The following SPHKAP variants were observed in gnomAD, a reference collection of about 807,000 sequenced individuals.
SPHKAP encodes A-kinase anchor protein SPHKAP.
SPHKAP carries 67 observed loss-of-function variants against 137.5 expected under a neutral mutation model. The ratio of observed to expected loss-of-function variants is 0.49; its 90% CI spans 0.40 to 0.60. The LOEUF is 0.60. Ranked by LOEUF, SPHKAP falls within the 20% of genes least tolerant of loss-of-function variation. The probability of loss-of-function intolerance (pLI) is 0.00; values close to 1 mark genes in which losing one functional copy is unlikely to be tolerated. For missense variants in SPHKAP, 2,097 were observed against 2,069.3 expected, an observed-to-expected ratio of 1.01 and a Z score of -0.26; for synonymous variants, 813 against 785.3, an observed-to-expected ratio of 1.04 and a Z score of -0.59.
intron 1 of SPHKAP, among the ~76,000 whole-genome samples, chr2:228,146,236 G>C (rs539181816): frequency 1.3e-5 from 2 of 152,086 alleles, no homozygotes; most frequent in South Asian, 4.2e-4. Context: ...TTGTTACAAC[G>C]GATGAACACC....
chr2:227,989,018 T>G (rs548367751), intron 11 of SPHKAP, among the ~76,000 whole-genome samples: 1 of 152,110 alleles, frequency 6.6e-6, no homozygotes, highest in African/African-American at 2.4e-5. Flanking sequence ...AAAAATGAAT[T>G]AGGTCTCCTT....
At chr2:228,121,463 C>A (rs549128984) in intron 2 of SPHKAP, among the ~76,000 whole-genome samples, 1 of 152,280 alleles carries the variant, frequency 6.6e-6, no homozygotes, top group African/African-American at 2.4e-5. Context: ...CCACAGTGAG[C>A]CATGATCACG....
At chr2:228,148,250 G>A (rs1699835311) in intron 1 of SPHKAP, among the ~76,000 whole-genome samples, 1 of 152,126 alleles carries the variant, frequency 6.6e-6, no homozygotes, top group African/African-American at 2.4e-5. Context: ...TCATTGAGGG[G>A]TATCCCCCAA....
At chr2:228,047,912 G>C (rs1041612770) in intron 3 of SPHKAP, among the ~76,000 whole-genome samples, 9 of 152,122 alleles carry the variant, frequency 5.9e-5, no homozygotes, top group Admixed American at 6.5e-5. Flanking sequence ...GACCAGCTGG[G>C]GTTTTGAATG....
At chr2:228,139,387 C>G (rs934172322) in intron 1 of SPHKAP, among the ~76,000 whole-genome samples, 19 of 151,984 alleles carry the variant, frequency 1.3e-4, no homozygotes, top group Admixed American at 1.2e-3. Context: ...AAAAGACAAT[C>G]AAATAGTAAA....
At chr2:228,146,675 T>G (rs994428920) in intron 1 of SPHKAP, among the ~76,000 whole-genome samples, 1 of 152,224 alleles carries the variant, frequency 6.6e-6, no homozygotes, top group Non-Finnish European at 1.5e-5. Flanking sequence ...GTTCCTGTAT[T>G]AGTTTGCTAA....
intron 3 of SPHKAP, among the ~76,000 whole-genome samples, chr2:228,063,441 G>A (rs1393348877): frequency 6.6e-6 from 1 of 152,110 alleles, no homozygotes; most frequent in Non-Finnish European, 1.5e-5. Flanking sequence ...TTGATGCTAT[G>A]GTTGGTGTTA....
At chr2:228,050,112 C>G (rs13412863) in intron 3 of SPHKAP, among the ~76,000 whole-genome samples, 58,169 of 151,976 alleles carry the variant, frequency 0.38, 11,592 homozygotes, top group South Asian at 0.52. Flanking sequence ...CTAATTCTCA[C>G]AGACATGCAA....
In SPHKAP at chr2:228,017,858, C is replaced by A. The variant is rs374937865; in HGVS notation, c.2996G>T (p.Arg999Leu). The A allele has an allele frequency of 1.9e-6, 3 of 1,613,880 alleles. No homozygotes were observed. Among genetic ancestry groups the A allele is most frequent in the African/African-American group, 1.3e-5 (1 of 74,898 alleles). Residue 999 changes from arginine to leucine, a missense_variant, in exon 7 of 12, where the codon CGG becomes CTG. By Grantham distance (102) the Arg-to-Leu change is moderately radical. Coordinates refer to ENST00000392056, the MANE Select transcript of SPHKAP (RefSeq NM_001142644.2). ...CGTCTTCCTCTTGATCTCACTGAGC[C>A]GGGGAGGCTTGTGTTTCCTCACAGC... ...GTAVRKHKPP[R>L]LSEIKRKTDE...
intron 3 of SPHKAP, among the ~76,000 whole-genome samples, chr2:228,060,616 T>C (rs375008421): frequency 2.6e-4 from 40 of 152,342 alleles, no homozygotes; most frequent in South Asian, 1.4e-3. Context: ...TAACTATGAC[T>C]TAGTGATAGG....
intron 1 of SPHKAP, among the ~76,000 whole-genome samples, chr2:228,143,328 G>C (rs937080292): frequency 1.3e-5 from 2 of 152,018 alleles, no homozygotes; most frequent in African/African-American, 4.8e-5. Context: ...GATAGCTTGA[G>C]GCCAGGAGTT....
intron 11 of SPHKAP, among the ~76,000 whole-genome samples, chr2:227,990,348 A>G (rs1028480233): frequency 3.9e-5 from 6 of 152,212 alleles, no homozygotes; most frequent in Non-Finnish European, 7.3e-5. Flanking sequence ...AATCTTTTAA[A>G]ACGAGTCTAC....
rs1416199345 is a variant in SPHKAP, at chr2:227,991,319, C to G, written c.4729G>C (p.Val1577Leu). 6.2e-7 allele frequency: 1 copy of G among 1,614,088 alleles called. No homozygotes were observed. Among genetic ancestry groups the G allele is most frequent in the Non-Finnish European group, 8.5e-7 (1 of 1,180,040 alleles). The change falls in exon 10 of 12, where the codon GTA (valine) becomes CTA (leucine). Residue 1577 changes from valine to leucine, a missense_variant. Transcript: ENST00000392056. ...CCTTTAAGAATCTTCTTTTCTTCTACTAATTCACTTTGGGAGAAAACAACA... is the reference window on the plus strand; with the variant it reads ...CCTTTAAGAATCTTCTTTTCTTCTAGTAATTCACTTTGGGAGAAAACAACA... ...MPSSPMINEL[V>L]EEKKILKGQS...
chr2:228,014,525 C>T (rs183752790), intron 7 of SPHKAP, among the ~76,000 whole-genome samples: 231 of 152,270 alleles, frequency 1.5e-3, no homozygotes, highest in South Asian at 1.0e-2. Context: ...TTTGCTTTTA[C>T]GTTTTCATGC....
intron 1 of SPHKAP, among the ~76,000 whole-genome samples, chr2:228,168,809 A>C (rs13413606): frequency 0.13 from 20,493 of 152,176 alleles, 1,389 homozygotes; most frequent in East Asian, 0.2. Flanking sequence ...GAGACAGGCC[A>C]AAAGCTAGCC....
At chr2:228,085,305 G>A (rs1391663638) in intron 3 of SPHKAP, among the ~76,000 whole-genome samples, 1 of 152,142 alleles carries the variant, frequency 6.6e-6, no homozygotes, top group African/African-American at 2.4e-5. Flanking sequence ...ATCGTTATTA[G>A]ACAAGAATTG....
At chr2:228,039,215 C>A (rs898385795) in intron 3 of SPHKAP, among the ~76,000 whole-genome samples, 1 of 152,210 alleles carries the variant, frequency 6.6e-6, no homozygotes, top group Non-Finnish European at 1.5e-5. Flanking sequence ...CGAAAGAACA[C>A]GAGCACTTCT....
rs1390425440 is a variant in SPHKAP, at chr2:228,000,632, TA to T, written c.4449-4939del. Among the ~76,000 whole-genome samples the T allele has an allele frequency of 1.3e-4, 19 of 149,766 alleles. No individual in the cohort carries two copies. The East Asian group carries it at 3.5e-3, about 28-fold the overall frequency. On this transcript the variant is annotated intron_variant, in intron 7 of 11. Coordinates refer to ENST00000392056, the MANE Select transcript of SPHKAP (RefSeq NM_001142644.2). ...CTCCATCTAAAAAAAATAATAATAA[TA>T]AAAATAAAATAAAATAAAATACATA...
intron 2 of SPHKAP, among the ~76,000 whole-genome samples, chr2:228,114,956 C>G (rs372792550): frequency 2.6e-5 from 4 of 152,244 alleles, no homozygotes; most frequent in South Asian, 4.1e-4. Context: ...TCAGCTATCA[C>G]CAAGGATGGA....
Sources: allele counts gnomAD v4.1 joint callset (sites outside exome capture counted in the v4.1 genomes callset), GRCh38; gene constraint gnomAD v4.1.1; transcripts MANE v1.5; gene names NCBI Gene and HGNC (gene_info 2026-07-23, HGNC 2026-07-21).